DZIP3: variants seen among roughly 807,000 people sequenced by gnomAD.
DZIP3 encodes DAZ interacting zinc finger protein 3.
In DZIP3, 118 loss-of-function variants were observed where a neutral mutation model predicts 162.0. That is an observed-to-expected ratio of 0.73 (90% confidence interval 0.63 to 0.85). The LOEUF (loss-of-function observed/expected upper bound fraction) is 0.85. Among genes scored for constraint, DZIP3 ranks in the 40% least tolerant of loss-of-function variants. The pLI is 0.00. For missense variants in DZIP3, 1,331 were observed against 1,407.0 expected, an observed-to-expected ratio of 0.95 and a Z score of 0.86; for synonymous variants, 438 against 458.6, an observed-to-expected ratio of 0.96 and a Z score of 0.57.
At chr3:108,631,047 ACACACACACTCTCTCT>A (rs1941824152) in intron 8 of DZIP3, among the ~76,000 whole-genome samples, 1 of 72,536 alleles carries the variant, frequency 1.4e-5, no homozygotes. Flanking sequence ...ACACACACAC[ACACACACACTCTCTCT>A]CTCTCTCTCT....
intron 31 of DZIP3, 75 bp from the exon 32 acceptor site, chr3:108,690,712 C>A (rs994595485): frequency 1.5e-6 from 2 of 1,345,130 alleles, no homozygotes; most frequent in Non-Finnish European, 1.1e-6. Context: ...TGGTTGGTAA[C>A]CCTGATGCAT....
chr3:108,590,206 A>G (rs1249263198), intron 1 of DZIP3: 1 of 152,206 alleles, frequency 6.6e-6, no homozygotes, highest in Non-Finnish European at 1.5e-5. Context: ...ATAGCTTAAT[A>G]TTATTGCATG....
chr3:108,688,041 C>T lies in DZIP3; in HGVS notation c.3215C>T (p.Thr1072Ile). 1 of 1,613,662 alleles carries T rather than the reference C, an allele frequency of 6.2e-7. No homozygotes were observed. Among genetic ancestry groups the T allele is most frequent in the African/African-American group, 1.3e-5 (1 of 75,034 alleles). ...DAYGKSLSEL[T>I]FDEIVCKISQ... is the part of the protein sequence containing the mutation. ...TATGGAAAATCCTTGTCTGAACTGA[C>T]ATTTGATGAAATTGTTTGCAAGATT... Residue 1072 changes from threonine to isoleucine, a missense_variant, in exon 29 of 33, where the codon ACA (threonine) becomes ATA (isoleucine). Coordinates refer to ENST00000361582, the MANE Select transcript of DZIP3 (RefSeq NM_014648.4).
At chr3:108,688,138 C>G in intron 29 of DZIP3, 42 bp downstream of exon 29, 2 of 1,607,302 alleles carry the variant, frequency 1.2e-6, no homozygotes, top group Non-Finnish European at 1.7e-6. Context: ...TCTCTCTGCC[C>G]TTAACTCTAG....
chr3:108,669,869 T>G (rs758100554), intron 22 of DZIP3, 120 bp downstream of exon 22: 2 of 763,508 alleles, frequency 2.6e-6, no homozygotes, highest in Non-Finnish European at 4.3e-6. Flanking sequence ...GAGGCTGATA[T>G]TGAACAGTAC....
intron 1 of DZIP3, among the ~76,000 whole-genome samples, chr3:108,598,400 C>T (rs1002644837): frequency 1.3e-5 from 2 of 152,126 alleles, no homozygotes; most frequent in African/African-American, 2.4e-5. Context: ...TAGCTTAGAG[C>T]GTGGCACATA....
At position 108,686,553 on chromosome 3, in the gene DZIP3, A is replaced by G. The variant is rs1210491562; in HGVS notation, c.3118A>G (p.Arg1040Gly). The stretch of plus-strand genomic sequence containing the variant: ...CATGAATTGGGAGAGAATTACAGAC[A>G]GGCTGAAAACTGCCTTTCCACAGCA... Reference protein sequence around the residue: ...SIMNWERITDRLKTAFPQQTR... With the variant: ...SIMNWERITDGLKTAFPQQTR... The change falls in exon 28 of 33, where the codon AGG (arginine) becomes GGG (glycine). Residue 1040 changes from arginine to glycine, a missense_variant. By Grantham distance (125) the Arg-to-Gly change is moderately radical. Around this residue, in one of 2 missense-constraint regions of DZIP3, gnomAD observed 1,278 missense variants for 1,317.1 expected, o/e 0.97. Transcript: ENST00000361582. 6.2e-7 allele frequency: 1 copy of G among 1,610,752 alleles called. No individual in the cohort carries two copies. Among genetic ancestry groups the G allele is most frequent in the Non-Finnish European group, 8.5e-7 (1 of 1,178,952 alleles).
intron 5 of DZIP3, among the ~76,000 whole-genome samples, chr3:108,622,193 A>T (rs190713025): frequency 6.6e-6 from 1 of 152,288 alleles, no homozygotes; most frequent in East Asian, 1.9e-4. Flanking sequence ...GTGAACTCAA[A>T]AAAATAGCTA....
chr3:108,686,540 G>A lies in DZIP3; in HGVS notation c.3105G>A (p.Glu1035=), dbSNP rs1944505857. Residue 1035 remains glutamate, a synonymous_variant, in exon 28 of 33, where the codon GAG becomes GAA. Transcript: ENST00000361582. ...GTGATCCCTCCATCATGAATTGGGA[G>A]AGAATTACAGACAGGCTGAAAACTG... ...LRSDPSIMNW[E]RITDRLKTAF... The A allele has an allele frequency of 6.2e-7, 1 of 1,611,414 alleles. No individual in the cohort carries two copies. Among genetic ancestry groups the A allele is most frequent in the Non-Finnish European group, 8.5e-7 (1 of 1,179,202 alleles).
At position 108,688,931 on chromosome 3, in the gene DZIP3, C is replaced by A; in HGVS notation, c.3516+7C>A. 6.2e-7 allele frequency: 1 copy of A among 1,613,378 alleles called. No homozygotes were observed. Among genetic ancestry groups the A allele is most frequent in the South Asian group, 1.1e-5 (1 of 91,056 alleles). On this transcript the variant is annotated splice_region_variant and intron_variant, in intron 31 of 32. Coordinates refer to ENST00000361582, the MANE Select transcript of DZIP3 (RefSeq NM_014648.4). ...TCACAAATTCCATGCTCAGGTAACA[C>A]TTTAAATTTTCCCATTAATCAGCTA... is the stretch of plus-strand genomic sequence containing the variant.
At chr3:108,622,395 T>C (rs578073227) in intron 5 of DZIP3, among the ~76,000 whole-genome samples, 4 of 152,336 alleles carry the variant, frequency 2.6e-5, no homozygotes, top group East Asian at 1.9e-4. Context: ...TTGAATTTCA[T>C]TGAACTTCCT....
At chr3:108,676,944 A>G (rs188935121) in intron 25 of DZIP3, among the ~76,000 whole-genome samples, 63 of 152,250 alleles carry the variant, frequency 4.1e-4, no homozygotes, top group Middle Eastern at 3.4e-3. Flanking sequence ...TTAAACTTCC[A>G]GGTTGGAGTT....
chr3:108,665,498 G>A (rs1346050626), intron 21 of DZIP3, among the ~76,000 whole-genome samples: 1 of 152,080 alleles, frequency 6.6e-6, no homozygotes, highest in African/African-American at 2.4e-5. Context: ...AAGAGCTAAA[G>A]TACTTGTCAC....
At chr3:108,595,818 T>C (rs1308725223) in intron 1 of DZIP3, among the ~76,000 whole-genome samples, 2 of 152,222 alleles carry the variant, frequency 1.3e-5, no homozygotes, top group African/African-American at 2.4e-5. Context: ...AGTTTTGTAA[T>C]ATGGGAATTA....
In DZIP3 at chr3:108,625,972, A is replaced by G; in HGVS notation, c.581+3A>G. The G allele has an allele frequency of 6.2e-7, 1 of 1,611,252 alleles. No homozygotes were observed. Among genetic ancestry groups the G allele is most frequent in the Non-Finnish European group, 8.5e-7 (1 of 1,179,012 alleles). On this transcript the variant is annotated splice_donor_region_variant and intron_variant, in intron 7 of 32. Transcript: ENST00000361582. Reference sequence around the variant, plus strand: ...TTACTGCGATGTGCTCAAAAGAGGTAAGGATTTTAATTAACGGGTAGATGT... The same window carrying G: ...TTACTGCGATGTGCTCAAAAGAGGTGAGGATTTTAATTAACGGGTAGATGT...
At chr3:108,591,603 G>A (rs924263727) in intron 1 of DZIP3, among the ~76,000 whole-genome samples, 4 of 152,174 alleles carry the variant, frequency 2.6e-5, no homozygotes, top group African/African-American at 4.8e-5. Flanking sequence ...AAGAGGGATC[G>A]TTTCTAGCTG....
intron 5 of DZIP3, among the ~76,000 whole-genome samples, chr3:108,624,231 A>G (rs1231238108): frequency 2.6e-5 from 4 of 152,034 alleles, no homozygotes; most frequent in Non-Finnish European, 5.9e-5. Flanking sequence ...TTAATGTTTT[A>G]TTTTGAGATT....
At chr3:108,625,774 A>C (rs980209060) in intron 6 of DZIP3, 71 bp from the exon 7 acceptor site, 9 of 1,416,202 alleles carry the variant, frequency 6.4e-6, no homozygotes, top group Non-Finnish European at 8.4e-6. Flanking sequence ...CAGTTTGAGA[A>C]GTAATTGTTT....
chr3:108,673,081 A>G (rs1943981883), intron 23 of DZIP3, among the ~76,000 whole-genome samples: 1 of 152,024 alleles, frequency 6.6e-6, no homozygotes, highest in Non-Finnish European at 1.5e-5. Flanking sequence ...AGCTTTTCAG[A>G]CTGCCAGCTT....
Sources: allele counts gnomAD v4.1 joint callset (sites outside exome capture counted in the v4.1 genomes callset), GRCh38; gene constraint gnomAD v4.1.1; regional missense constraint gnomAD v4.1.1; transcripts MANE v1.5; gene names NCBI Gene and HGNC (gene_info 2026-07-23, HGNC 2026-07-21).